WDR7: variants seen among roughly 807,000 people sequenced by gnomAD.
WDR7 encodes the protein WD repeat domain 7.
A neutral mutation model predicts 169.4 loss-of-function variants in WDR7; 46 were observed. The observed-to-expected ratio is 0.27, with a 90% CI of 0.21 to 0.35. The LOEUF (loss-of-function observed/expected upper bound fraction) is 0.35, where lower values mean the gene tolerates loss of function less well. Ranked by LOEUF, WDR7 falls within the 10% of genes least tolerant of loss-of-function variation. WDR7 has a pLI of 1.00. For synonymous variants in WDR7, 612 were observed against 666.8 expected (o/e 0.92, Z 1.27); for missense variants, 1,534 against 1,859.3 (o/e 0.83, Z 3.22).
At position 57,028,660 on chromosome 18, in the gene WDR7, T is replaced by C. The variant is rs2048403146; in HGVS notation, c.*1453T>C. On this transcript the variant is annotated 3_prime_UTR_variant, in exon 28 of 28. Coordinates refer to ENST00000254442, the MANE Select transcript of WDR7 (RefSeq NM_015285.3). ...GTTTAGGTTGTCAGAGTTTATCTGA[T>C]ATACAAAAAAGTAGGATCAAAGTCT... 1 of 152,240 alleles carries C rather than the reference T, an allele frequency of 6.6e-6. No homozygotes were observed. Among genetic ancestry groups the C allele is most frequent in the South Asian group, 2.1e-4 (1 of 4,832 alleles). The allele number at this position is 152,240 out of a possible 1,614,324, so 9.4% of individuals were successfully genotyped here.
At chr18:56,970,836 T>A (rs1330856617) in intron 26 of WDR7, among the ~76,000 whole-genome samples, 3 of 152,222 alleles carry the variant, frequency 2.0e-5, no homozygotes, top group Non-Finnish European at 4.4e-5. Context: ...TTTGGTTTTT[T>A]AGGGTAAATT....
At chr18:56,655,024 ACT>A (rs1316140693) in intron 1 of WDR7, among the ~76,000 whole-genome samples, 1 of 152,086 alleles carries the variant, frequency 6.6e-6, no homozygotes, top group East Asian at 1.9e-4. Flanking sequence ...TACTGTTTTA[ACT>A]CTATGGTTTT....
chr18:56,736,904 A>G (rs2026712497), intron 14 of WDR7, among the ~76,000 whole-genome samples: 1 of 152,180 alleles, frequency 6.6e-6, no homozygotes, highest in South Asian at 2.1e-4. Flanking sequence ...GGGACAATGC[A>G]GGAGGACATG....
At chr18:56,892,880 C>G (rs1309023838) in intron 21 of WDR7, among the ~76,000 whole-genome samples, 1 of 151,930 alleles carries the variant, frequency 6.6e-6, no homozygotes, top group Admixed American at 6.6e-5. Flanking sequence ...ATTACATCAT[C>G]AAGACAGGGT....
chr18:56,765,808 A>G (rs1010074159), intron 16 of WDR7, among the ~76,000 whole-genome samples: 4 of 151,882 alleles, frequency 2.6e-5, no homozygotes, highest in East Asian at 1.9e-4. Flanking sequence ...GTATGTATCT[A>G]TCTATCTATT....
At chr18:56,705,299 C>CT (rs77316990) in intron 12 of WDR7, among the ~76,000 whole-genome samples, 2,274 of 145,274 alleles carry the variant, frequency 0.016, 57 homozygotes, top group African/African-American at 0.05. Context: ...GATAAGATAT[C>CT]TTTTTTTTTT....
chr18:57,000,305 C>T (rs777434277), intron 26 of WDR7, among the ~76,000 whole-genome samples: 4 of 152,098 alleles, frequency 2.6e-5, no homozygotes, highest in South Asian at 2.1e-4. Context: ...CTTAATGAAT[C>T]GTATTCTTGC....
At chr18:56,750,927 G>A (rs1173048524) in intron 14 of WDR7, among the ~76,000 whole-genome samples, 1 of 152,088 alleles carries the variant, frequency 6.6e-6, no homozygotes, top group African/African-American at 2.4e-5. Context: ...CTATTGTCAG[G>A]TATTACAAGT....
At chr18:56,841,884 A>C (rs556034578) in intron 20 of WDR7, among the ~76,000 whole-genome samples, 3 of 152,300 alleles carry the variant, frequency 2.0e-5, no homozygotes, top group Non-Finnish European at 4.4e-5. Context: ...AGATGGAAGG[A>C]TAATATAACT....
intron 5 of WDR7, among the ~76,000 whole-genome samples, chr18:56,685,691 A>G (rs909596708): frequency 2.6e-5 from 4 of 152,240 alleles, no homozygotes; most frequent in Non-Finnish European, 5.9e-5. Context: ...AATCAAGAAC[A>G]TTTGAAATTA....
chr18:56,657,312 G>C (rs2024798955), intron 1 of WDR7, among the ~76,000 whole-genome samples: 1 of 151,722 alleles, frequency 6.6e-6, no homozygotes, highest in Admixed American at 6.6e-5. Flanking sequence ...TGCCCGCCAG[G>C]ACACCCGGCC....
intron 26 of WDR7, among the ~76,000 whole-genome samples, chr18:56,965,238 A>G (rs2047391461): frequency 1.3e-5 from 2 of 152,168 alleles, no homozygotes; most frequent in South Asian, 2.1e-4. Flanking sequence ...AAAATAAGAC[A>G]TGATCACTTA....
intron 25 of WDR7, among the ~76,000 whole-genome samples, chr18:56,954,513 T>C (rs1398901261): frequency 6.6e-6 from 1 of 152,028 alleles, no homozygotes; most frequent in African/African-American, 2.4e-5. Context: ...AAACTATATG[T>C]GAAGATCAAT....
chr18:56,916,993 C>T (rs1012208092), intron 21 of WDR7, among the ~76,000 whole-genome samples: 3 of 152,006 alleles, frequency 2.0e-5, no homozygotes, highest in Non-Finnish European at 2.9e-5. Flanking sequence ...GTTAGGAGTT[C>T]GAGACCAGCC....
intron 20 of WDR7, among the ~76,000 whole-genome samples, chr18:56,837,197 A>G (rs549895261): frequency 3.0e-4 from 46 of 152,348 alleles, no homozygotes; most frequent in Middle Eastern, 3.4e-3. Context: ...AAGGATGAAC[A>G]CACAAAACTA....
chr18:56,918,084 G>C (rs2046653536), intron 21 of WDR7, among the ~76,000 whole-genome samples: 1 of 152,172 alleles, frequency 6.6e-6, no homozygotes, highest in African/African-American at 2.4e-5. Context: ...TTCTGAGTCT[G>C]TCTGCATTTC....
At chr18:57,007,452 A>G (rs1350321985) in intron 26 of WDR7, among the ~76,000 whole-genome samples, 1 of 152,210 alleles carries the variant, frequency 6.6e-6, no homozygotes, top group Non-Finnish European at 1.5e-5. Flanking sequence ...TTGAGTTGGC[A>G]AGTATTTGTA....
intron 26 of WDR7, among the ~76,000 whole-genome samples, chr18:56,991,879 G>A (rs561891943): frequency 6.6e-6 from 1 of 152,280 alleles, no homozygotes; most frequent in South Asian, 2.1e-4. Context: ...GAGTTCATGT[G>A]TAATTTAATA....
At chr18:56,703,612 A>G (rs561138372) in intron 12 of WDR7, among the ~76,000 whole-genome samples, 1 of 152,136 alleles carries the variant, frequency 6.6e-6, no homozygotes, top group Admixed American at 6.5e-5. Flanking sequence ...GAACATTTTC[A>G]TATATTTTTA....
Sources: gnomAD v4.1 joint callset for allele counts (sites outside exome capture counted in the v4.1 genomes callset) on GRCh38, gnomAD v4.1.1 for gene constraint, MANE v1.5 for transcripts, NCBI Gene and HGNC (gene_info 2026-07-23, HGNC 2026-07-21) for gene names.